The following RBL1 variants were observed in gnomAD, a reference collection of about 807,000 sequenced individuals.
RBL1 encodes RB transcriptional corepressor like 1.
In RBL1, 82 loss-of-function variants were observed where a neutral mutation model predicts 123.0. That is an observed-to-expected ratio of 0.67 (90% CI 0.56 to 0.80). The LOEUF (loss-of-function observed/expected upper bound fraction) is 0.80. Ranked by LOEUF, RBL1 falls within the 30% of genes least tolerant of loss-of-function variation. RBL1 has a pLI of 0.00. For missense variants in RBL1, 1,171 were observed against 1,299.6 expected, an observed-to-expected ratio of 0.90 and a Z score of 1.52; for synonymous variants, 405 against 441.3, an observed-to-expected ratio of 0.92 and a Z score of 1.03.
chr20:37,072,953 A>G (rs746250589), intron 2 of RBL1, among the ~76,000 whole-genome samples: 3 of 152,000 alleles, frequency 2.0e-5, no homozygotes, highest in Non-Finnish European at 2.9e-5. Flanking sequence ...TTGGTAAGTG[A>G]TATCTCTTAT....
chr20:37,047,040 GT>G lies in RBL1; in HGVS notation c.1605+12del. ...TGTTTTCATCTCATAACAGAACTTT[GT>G]TTTCATCTCACCTTATAAAAGTAAA... is the stretch of plus-strand genomic sequence containing the variant. On this transcript the variant is annotated intron_variant, in intron 12 of 21. Coordinates refer to ENST00000373664, the MANE Select transcript of RBL1 (RefSeq NM_002895.5). The G allele has an allele frequency of 6.4e-7, 1 of 1,573,064 alleles. No individual in the cohort carries two copies. Among genetic ancestry groups the G allele is most frequent in the Non-Finnish European group, 8.6e-7 (1 of 1,169,576 alleles).
intron 8 of RBL1, among the ~76,000 whole-genome samples, chr20:37,061,730 T>C (rs16986432): frequency 0.024 from 3,620 of 152,258 alleles, 143 homozygotes; most frequent in African/African-American, 0.081. Context: ...GAAAAACACA[T>C]AGTTTGTGTC....
chr20:37,037,915 G>A (rs2064647840), intron 14 of RBL1, among the ~76,000 whole-genome samples: 3 of 151,094 alleles, frequency 2.0e-5, no homozygotes. Context: ...TTGAACTCCT[G>A]ACCTCGTGAT....
chr20:37,082,128 G>A (rs1468631658), intron 2 of RBL1: 1 of 398,186 alleles, frequency 2.5e-6, no homozygotes, highest in East Asian at 7.4e-5. Flanking sequence ...CAACGCAGGG[G>A]CCTAGGGACA....
intron 2 of RBL1, among the ~76,000 whole-genome samples, chr20:37,076,159 C>T (rs970055700): frequency 6.6e-6 from 1 of 152,136 alleles, no homozygotes; most frequent in Non-Finnish European, 1.5e-5. Flanking sequence ...TGATGTCATA[C>T]TACAACAGTA....
chr20:37,068,956 C>T (rs1393248166), intron 2 of RBL1, among the ~76,000 whole-genome samples: 1 of 152,268 alleles, frequency 6.6e-6, no homozygotes, highest in Non-Finnish European at 1.5e-5. Context: ...CTGCCTGATT[C>T]TCCTGACTCA....
intron 20 of RBL1, among the ~76,000 whole-genome samples, chr20:37,005,890 C>T (rs372885605): frequency 1.6e-3 from 160 of 101,966 alleles, no homozygotes; most frequent in East Asian, 4.0e-3. Flanking sequence ...TTTTTTTTTT[C>T]TTTCTTTTTT....
At chr20:37,065,400 G>A in intron 7 of RBL1, 24 bp downstream of exon 7, 2 of 1,504,020 alleles carry the variant, frequency 1.3e-6, no homozygotes, top group Non-Finnish European at 1.8e-6. Flanking sequence ...GATAAGCCAG[G>A]CACCATTAGT....
intron 16 of RBL1, among the ~76,000 whole-genome samples, chr20:37,028,210 C>G (rs1309498212): frequency 6.6e-6 from 1 of 152,032 alleles, no homozygotes; most frequent in Non-Finnish European, 1.5e-5. Flanking sequence ...ACTAAAAATA[C>G]AAAAATTAGC....
chr20:37,009,115 G>A (rs1207956406), intron 19 of RBL1, among the ~76,000 whole-genome samples: 3 of 151,504 alleles, frequency 2.0e-5, no homozygotes, highest in South Asian at 2.1e-4. Flanking sequence ...GTCTCTGCCC[G>A]CTGGGATCCA....
intron 2 of RBL1, among the ~76,000 whole-genome samples, chr20:37,082,369 T>C (rs1160040765): frequency 6.6e-6 from 1 of 152,162 alleles, no homozygotes; most frequent in Non-Finnish European, 1.5e-5. Context: ...GAAATGGTGG[T>C]GGTGTTGGTT....
intron 13 of RBL1, among the ~76,000 whole-genome samples, chr20:37,041,451 A>G (rs1306562522): frequency 6.6e-6 from 1 of 152,006 alleles, no homozygotes; most frequent in African/African-American, 2.4e-5. Flanking sequence ...CCTCCCAAGT[A>G]GCTGGGATTA....
intron 2 of RBL1, among the ~76,000 whole-genome samples, chr20:37,074,917 A>T (rs987950006): frequency 6.6e-6 from 1 of 152,250 alleles, no homozygotes; most frequent in African/African-American, 2.4e-5. Context: ...CCACATAAAA[A>T]GTTGTATACA....
intron 14 of RBL1, 21 bp downstream of exon 14, chr20:37,040,132 C>T (rs1252249873): frequency 6.2e-7 from 1 of 1,607,758 alleles, no homozygotes; most frequent in Admixed American, 1.7e-5. Context: ...TTTTTCATTC[C>T]TTTACCAATG....
At chr20:37,041,187 A>G (rs2064718090) in intron 13 of RBL1, among the ~76,000 whole-genome samples, 1 of 152,236 alleles carries the variant, frequency 6.6e-6, no homozygotes, top group African/African-American at 2.4e-5. Context: ...AGACAAAACA[A>G]AGAATCAAAA....
At position 37,022,683 on chromosome 20, in the gene RBL1, C is replaced by T; in HGVS notation, c.2526G>A (p.Gln842=). ...TGATATAAAAGGCACAAAGGAGGAGCTGATCCAAATGCCTGTCTTTCATTA... is the reference window on the plus strand; with the variant it reads ...TGATATAAAAGGCACAAAGGAGGAGTTGATCCAAATGCCTGTCTTTCATTA... ...PDLMKDRHLD[Q]LLLCAFYIMA... The change falls in exon 17 of 22, where the codon CAG becomes CAA. Residue 842 remains glutamine, a synonymous_variant. Coordinates refer to ENST00000373664, the MANE Select transcript of RBL1 (RefSeq NM_002895.5). 1 of 1,612,910 alleles carries T rather than the reference C, an allele frequency of 6.2e-7. No individual in the cohort carries two copies. Among genetic ancestry groups the T allele is most frequent in the Non-Finnish European group, 8.5e-7 (1 of 1,179,436 alleles).
intron 11 of RBL1, among the ~76,000 whole-genome samples, chr20:37,048,338 C>A (rs1188327302): frequency 6.6e-6 from 1 of 152,144 alleles, no homozygotes; most frequent in East Asian, 1.9e-4. Context: ...TCTGTCTCCA[C>A]AGGAATCTAC....
At chr20:37,072,278 G>T (rs1266269849) in intron 2 of RBL1, among the ~76,000 whole-genome samples, 4 of 152,194 alleles carry the variant, frequency 2.6e-5, no homozygotes, top group African/African-American at 9.7e-5. Context: ...AGACCAGCCT[G>T]ACCAACATGG....
intron 11 of RBL1, chr20:37,049,716 G>A: frequency 3.0e-6 from 2 of 669,114 alleles, no homozygotes; most frequent in South Asian, 3.5e-5. Context: ...AACTGTGTAT[G>A]AGTTAATAAA....
Sources: allele counts gnomAD v4.1 joint callset (sites outside exome capture counted in the v4.1 genomes callset), GRCh38; gene constraint gnomAD v4.1.1; transcripts MANE v1.5; gene names NCBI Gene and HGNC (gene_info 2026-07-23, HGNC 2026-07-21).